CUL3: variants seen among roughly 807,000 people sequenced by gnomAD.
CUL3 encodes cullin-3.
A neutral mutation model predicts 89.1 loss-of-function variants in CUL3; 19 were observed. That is an observed-to-expected ratio of 0.21 (90% CI 0.15 to 0.31). The LOEUF (loss-of-function observed/expected upper bound fraction) is 0.31. CUL3 is among the 10% of genes least tolerant of loss of function. The pLI is 1.00. For synonymous variants in CUL3, 351 were observed against 308.4 expected (o/e 1.14, Z -1.45); for missense variants, 469 against 942.3 (o/e 0.50, Z 6.58).
At chr2:224,570,302 G>A (rs777889233) in intron 1 of CUL3, among the ~76,000 whole-genome samples, 2 of 152,138 alleles carry the variant, frequency 1.3e-5, no homozygotes, top group South Asian at 4.1e-4. Flanking sequence ...TGTAGCCAAA[G>A]ATCCAAGCTT....
At chr2:224,520,875 A>C (rs1425029534) in intron 3 of CUL3, among the ~76,000 whole-genome samples, 1 of 152,208 alleles carries the variant, frequency 6.6e-6, no homozygotes, top group African/African-American at 2.4e-5. Context: ...ATGTATAAGA[A>C]ATCAAATTCA....
At chr2:224,519,733 CAT>C (rs1288918144) in intron 3 of CUL3, among the ~76,000 whole-genome samples, 6 of 152,042 alleles carry the variant, frequency 3.9e-5, no homozygotes, top group African/African-American at 1.4e-4. Context: ...TATTTGTGTG[CAT>C]ATGTTAAACA....
At chr2:224,541,048 T>A in intron 2 of CUL3, among the ~76,000 whole-genome samples, 1 of 151,456 alleles carries the variant, frequency 6.6e-6, no homozygotes, top group South Asian at 2.1e-4. Flanking sequence ...GAAGAAAATG[T>A]CATCTGATAA....
intron 1 of CUL3, among the ~76,000 whole-genome samples, chr2:224,582,959 G>A (rs893642302): frequency 6.6e-6 from 1 of 152,184 alleles, no homozygotes; most frequent in African/African-American, 2.4e-5. Context: ...TGGTCAATCA[G>A]AAGGCCATTA....
intron 13 of CUL3, among the ~76,000 whole-genome samples, chr2:224,489,629 T>C (rs536373951): frequency 6.6e-6 from 1 of 152,294 alleles, no homozygotes; most frequent in Non-Finnish European, 1.5e-5. Context: ...AGAATCAATA[T>C]TGTGAAAATG....
intron 3 of CUL3, among the ~76,000 whole-genome samples, chr2:224,519,621 A>G (rs2106234085): frequency 6.6e-6 from 1 of 152,310 alleles, no homozygotes; most frequent in South Asian, 2.1e-4. Flanking sequence ...GCTCTATAAA[A>G]CTATTAATAG....
chr2:224,496,578 GATA>G (rs1692178148), intron 12 of CUL3, among the ~76,000 whole-genome samples: 1 of 152,068 alleles, frequency 6.6e-6, no homozygotes, highest in African/African-American at 2.4e-5. Context: ...ACTATGGGAT[GATA>G]ATAATAATAG....
At chr2:224,513,134 T>C (rs1692901741) in intron 5 of CUL3, among the ~76,000 whole-genome samples, 1 of 152,190 alleles carries the variant, frequency 6.6e-6, no homozygotes, top group African/African-American at 2.4e-5. Flanking sequence ...GCAATACATA[T>C]ACAAAATATA....
chr2:224,503,567 A>T, intron 9 of CUL3, 85 bp downstream of exon 9: 2 of 1,138,922 alleles, frequency 1.8e-6, no homozygotes, highest in Non-Finnish European at 2.4e-6. Flanking sequence ...ATAATCTACC[A>T]AATTAATTTC....
intron 1 of CUL3, 70 bp downstream of exon 1, chr2:224,584,873 GC>G: frequency 8.0e-7 from 1 of 1,248,580 alleles, no homozygotes; most frequent in Non-Finnish European, 1.1e-6. Context: ...GGGGACTTCA[GC>G]CCGGGCCTCG....
At chr2:224,514,047 G>A (rs566210349) in intron 4 of CUL3, among the ~76,000 whole-genome samples, 86 of 152,036 alleles carry the variant, frequency 5.7e-4, no homozygotes, top group Non-Finnish European at 1.1e-3. Context: ...CACCAAAGAC[G>A]AAATAAAAAG....
intron 8 of CUL3, chr2:224,504,060 G>A (rs1366353688): frequency 3.4e-5 from 12 of 351,214 alleles, no homozygotes; most frequent in Non-Finnish European, 6.2e-5. Context: ...TTCCGTAGAG[G>A]GCTACCACTG....
At chr2:224,513,490 T>G (rs1692919128) in intron 5 of CUL3, 34 bp downstream of exon 5, 1 of 1,295,866 alleles carries the variant, frequency 7.7e-7, no homozygotes, top group East Asian at 2.3e-5. Flanking sequence ...AAGAACATCT[T>G]AAAAGATTAT....
intron 1 of CUL3, among the ~76,000 whole-genome samples, chr2:224,581,933 A>G (rs941793265): frequency 2.6e-5 from 4 of 152,100 alleles, no homozygotes; most frequent in Admixed American, 2.6e-4. Flanking sequence ...GTGGAACCAT[A>G]AACAATTAAG....
At chr2:224,530,922 A>C (rs984621744) in intron 3 of CUL3, among the ~76,000 whole-genome samples, 9 of 75,806 alleles carry the variant, frequency 1.2e-4, no homozygotes, top group African/African-American at 3.5e-4. Flanking sequence ...ACAAAACCAA[A>C]CAAACAAAAA....
rs1691132300 is a variant in CUL3 at position 224,471,575 on chromosome 2, A to G, written c.*2670T>C. The G allele has an allele frequency of 2.0e-5, 4 of 199,402 alleles. No individual in the cohort carries two copies. The highest frequency in any genetic ancestry group is 3.1e-5 in the Non-Finnish European group (3 of 96,534). 12.4% of individuals were successfully genotyped at this position (199,402 alleles called of 1,614,324 possible). On this transcript the variant is annotated 3_prime_UTR_variant, in exon 16 of 16. Transcript: ENST00000264414. Reference sequence around the variant, plus strand: ...ATCAGCATCTTGGGGGTTTGATAGTACATAATTACAATGCTACACAGGTGA... The same window carrying G: ...ATCAGCATCTTGGGGGTTTGATAGTGCATAATTACAATGCTACACAGGTGA...
Position 224,506,865 on chromosome 2 carries a change from T to C in CUL3, c.1022A>G (p.Tyr341Cys). The C allele has an allele frequency of 6.2e-7, 1 of 1,612,960 alleles. No homozygotes were observed. The highest frequency in any genetic ancestry group is 8.5e-7 in the Non-Finnish European group (1 of 1,179,554). ...EEGEGKNPVD[Y>C]IQGLLDLKSR... ...TCTTCTGGGTTTACTTACCTGGATA[T>C]AGTCAACAGGATTCTTTCCTTCTCC... The change falls in exon 7 of 16, where the codon TAT becomes TGT. Residue 341 changes from tyrosine (Y) to cysteine (C), a missense_variant. Tyr to Cys is a radical substitution (Grantham distance 194). Transcript: ENST00000264414.
intron 5 of CUL3, 121 bp downstream of exon 5, chr2:224,513,403 G>A (rs1692916155): frequency 3.0e-6 from 2 of 656,568 alleles, no homozygotes; most frequent in East Asian, 2.9e-5. Context: ...GGCATTTTTT[G>A]CATACTCCCC....
At chr2:224,542,556 C>CAT (rs1694153618) in intron 2 of CUL3, among the ~76,000 whole-genome samples, 1 of 150,488 alleles carries the variant, frequency 6.6e-6, no homozygotes, top group African/African-American at 2.4e-5. Flanking sequence ...TGTGCGTGTG[C>CAT]GTGTGTGTGT....
Sources: allele counts gnomAD v4.1 joint callset (sites outside exome capture counted in the v4.1 genomes callset), GRCh38; gene constraint gnomAD v4.1.1; transcripts MANE v1.5; gene names NCBI Gene and HGNC (gene_info 2026-07-23, HGNC 2026-07-21).